The following LARP4B variants were observed in gnomAD, a reference collection of about 807,000 sequenced individuals.
LARP4B encodes the protein la-related protein 4B.
In LARP4B, 12 loss-of-function variants were observed where a neutral mutation model predicts 89.8. The ratio of observed to expected loss-of-function variants is 0.13; its 90% CI spans 0.09 to 0.22. The LOEUF (loss-of-function observed/expected upper bound fraction) is 0.22, where lower values mean the gene tolerates loss of function less well. LARP4B is among the 10% of genes least tolerant of loss of function. The pLI is 1.00. For synonymous variants in LARP4B, 367 were observed against 363.3 expected (o/e 1.01, Z -0.12); for missense variants, 757 against 947.7 (o/e 0.80, Z 2.64).
At chr10:882,936 T>G (rs1835728310) in intron 3 of LARP4B, among the ~76,000 whole-genome samples, 1 of 152,206 alleles carries the variant, frequency 6.6e-6, no homozygotes. Context: ...ACCTAATCAC[T>G]AAACCAATGC....
intron 14 of LARP4B, 122 bp downstream of exon 14, chr10:820,678 G>T: frequency 2.3e-6 from 2 of 884,988 alleles, no homozygotes; most frequent in Non-Finnish European, 3.5e-6. Flanking sequence ...TGGATTTCAC[G>T]TTACAAGTCT....
intron 1 of LARP4B, among the ~76,000 whole-genome samples, chr10:908,318 T>G (rs1046705327): frequency 1.3e-5 from 2 of 152,104 alleles, no homozygotes; most frequent in African/African-American, 4.8e-5. Flanking sequence ...CCCCTTGCCC[T>G]TCCCCCACAC....
At chr10:842,028 C>A (rs1219152247) in intron 7 of LARP4B, among the ~76,000 whole-genome samples, 9 of 151,238 alleles carry the variant, frequency 6.0e-5, no homozygotes, top group Non-Finnish European at 8.8e-5. Flanking sequence ...AAGCCAGGGA[C>A]AACGTGAAAA....
chr10:825,091 T>C lies in LARP4B; in HGVS notation c.1458A>G (p.Glu486=), dbSNP rs1832552898. The part of the protein sequence containing the change: ...GPGRVEPGSL[E]SSPGLGRGRK... ...TTCCCCTCCCTAAACCAGGAGAGGA[T>C]TCGAGACTGCCTGGCTCCACACGCC... Residue 486 remains glutamate, a synonymous_variant, in exon 13 of 18, where the codon GAA becomes GAG. Transcript: ENST00000316157. 3 of 1,614,086 alleles carry C rather than the reference T, an allele frequency of 1.9e-6. No individual in the cohort carries two copies. The African/African-American group carries it at 4.0e-5, about 22-fold the overall frequency.
the LARP4B span, among the ~76,000 whole-genome samples, chr10:941,354 G>A: frequency 9.2e-5 from 14 of 152,016 alleles, no homozygotes; most frequent in Non-Finnish European, 1.3e-4. Context: ...CACTCTTGTC[G>A]CCCAGGCTGG....
intron 11 of LARP4B, 32 bp downstream of exon 11, chr10:829,353 C>T (rs746188904): frequency 6.5e-7 from 1 of 1,531,930 alleles, no homozygotes; most frequent in South Asian, 1.2e-5. Flanking sequence ...ATAGTGTCTA[C>T]AACATAAATT....
the LARP4B span, among the ~76,000 whole-genome samples, chr10:950,699 A>T: frequency 6.6e-6 from 1 of 152,192 alleles, no homozygotes. Flanking sequence ...TTTTCAGCAT[A>T]TAGATCCTGT....
chr10:932,200 ACC>A (rs1554811000), upstream of LARP4B, among the ~76,000 whole-genome samples: 2 of 17,096 alleles, frequency 1.2e-4, no homozygotes, highest in African/African-American at 2.2e-4. Flanking sequence ...CCCTCATCCC[ACC>A]CCCAGGACCC....
upstream of LARP4B, among the ~76,000 whole-genome samples, chr10:934,483 CT>C (rs548301868): frequency 2.0e-4 from 30 of 152,062 alleles, no homozygotes; most frequent in South Asian, 3.5e-3. Flanking sequence ...GAGCGAGACC[CT>C]GTCTCAAAAA....
chr10:945,705 A>G, the LARP4B span, among the ~76,000 whole-genome samples: 72 of 146,808 alleles, frequency 4.9e-4, no homozygotes, highest in Admixed American at 1.1e-3. Context: ...AAAAAAAAAG[A>G]CATTTTAGCA....
chr10:889,701 A>C (rs1485967699), intron 1 of LARP4B, among the ~76,000 whole-genome samples: 1 of 152,174 alleles, frequency 6.6e-6, no homozygotes, highest in African/African-American at 2.4e-5. Flanking sequence ...TGGCTCACCA[A>C]CACTTTGGGA....
At chr10:986,049 C>A in the LARP4B span, 1 of 151,790 alleles carries the variant, frequency 6.6e-6, no homozygotes, top group African/African-American at 2.4e-5. Flanking sequence ...CCCTCTAAGA[C>A]CGGATGCCTA....
the LARP4B span, among the ~76,000 whole-genome samples, chr10:946,649 A>T: frequency 3.3e-5 from 5 of 152,336 alleles, no homozygotes; most frequent in African/African-American, 1.2e-4. Context: ...CAAGTTATTT[A>T]ACCTCCTTGG....
chr10:844,208 G>C (rs1833664962), intron 6 of LARP4B, among the ~76,000 whole-genome samples: 1 of 152,250 alleles, frequency 6.6e-6, no homozygotes, highest in African/African-American at 2.4e-5. Context: ...ACATGGATGT[G>C]AGTGGCAGAG....
the LARP4B span, among the ~76,000 whole-genome samples, chr10:948,331 C>G: frequency 6.6e-6 from 1 of 152,230 alleles, no homozygotes; most frequent in African/African-American, 2.4e-5. Context: ...CCTGCAACCT[C>G]CGCCTCAAAG....
intron 7 of LARP4B, among the ~76,000 whole-genome samples, chr10:841,442 C>A (rs11253460): frequency 3.3e-5 from 5 of 152,128 alleles, no homozygotes; most frequent in African/African-American, 1.2e-4. Context: ...AGGTGACAAG[C>A]CTGCCCTGGA....
chr10:919,587 TA>T (rs34638720), intron 1 of LARP4B, among the ~76,000 whole-genome samples: 27,855 of 152,072 alleles, frequency 0.18, 2,794 homozygotes, highest in Non-Finnish European at 0.23. Context: ...TGTAGTTTCT[TA>T]AGAGTGTAAG....
intron 5 of LARP4B, among the ~76,000 whole-genome samples, chr10:849,274 C>T (rs576151179): frequency 3.3e-5 from 5 of 152,148 alleles, no homozygotes; most frequent in South Asian, 2.1e-4. Context: ...AAGGACCCAG[C>T]GCTCCTTGGA....
At chr10:838,823 C>A (rs1372586016) in intron 7 of LARP4B, among the ~76,000 whole-genome samples, 5 of 152,190 alleles carry the variant, frequency 3.3e-5, no homozygotes, top group Non-Finnish European at 5.9e-5. Flanking sequence ...ATGTTTATAG[C>A]AACTTTACTC....
Sources: gnomAD v4.1 joint callset for allele counts (sites outside exome capture counted in the v4.1 genomes callset) on GRCh38, gnomAD v4.1.1 for gene constraint, MANE v1.5 for transcripts, NCBI Gene and HGNC (gene_info 2026-07-23, HGNC 2026-07-21) for gene names.